The following HCN1 variants were observed in gnomAD, a reference collection of about 807,000 sequenced individuals.
The protein encoded by HCN1 is potassium/sodium hyperpolarization-activated cyclic nucleotide-gated channel 1.
A neutral mutation model predicts 78.9 loss-of-function variants in HCN1; 13 were observed. The ratio of observed to expected loss-of-function variants is 0.16; its 90% confidence interval spans 0.11 to 0.26. The LOEUF is 0.26. HCN1 is among the 10% of genes least tolerant of loss of function. The pLI, the probability that HCN1 is intolerant of heterozygous loss-of-function variation, is 1.00. For synonymous variants in HCN1, 552 were observed against 455.5 expected, an observed-to-expected ratio of 1.21 and a Z score of -2.70; for missense variants, 810 against 1,154.3, an observed-to-expected ratio of 0.70 and a Z score of 4.32.
intron 2 of HCN1, among the ~76,000 whole-genome samples, chr5:45,552,157 A>G (rs968355141): frequency 1.3e-5 from 2 of 151,972 alleles, no homozygotes; most frequent in Non-Finnish European, 2.9e-5. Flanking sequence ...AAGCTGGTCT[A>G]TAAATAACAT....
chr5:45,418,736 G>T (rs1219047492), intron 3 of HCN1, among the ~76,000 whole-genome samples: 7 of 152,068 alleles, frequency 4.6e-5, no homozygotes, highest in Admixed American at 1.3e-4. Context: ...CAAACAGTAT[G>T]CTTAAGGATG....
chr5:45,591,990 A>G (rs1412639600), intron 2 of HCN1, among the ~76,000 whole-genome samples: 1 of 150,470 alleles, frequency 6.6e-6, no homozygotes, highest in African/African-American at 2.5e-5. Flanking sequence ...GTGTCTAGAT[A>G]GATTATTTTT....
At chr5:45,687,125 G>C (rs185057381) in intron 1 of HCN1, among the ~76,000 whole-genome samples, 1 of 152,124 alleles carries the variant, frequency 6.6e-6, no homozygotes, top group African/African-American at 2.4e-5. Context: ...TTACCTTAAA[G>C]TATTATTCCC....
intron 2 of HCN1, among the ~76,000 whole-genome samples, chr5:45,515,187 T>C (rs1742493452): frequency 1.3e-5 from 2 of 152,010 alleles, no homozygotes; most frequent in Non-Finnish European, 2.9e-5. Context: ...GCTACACTTC[T>C]ACATCAGATT....
At chr5:45,583,008 AG>A (rs1744116735) in intron 2 of HCN1, among the ~76,000 whole-genome samples, 1 of 151,264 alleles carries the variant, frequency 6.6e-6, no homozygotes, top group Admixed American at 6.6e-5. Flanking sequence ...TGTCTCTGCC[AG>A]GGTTTGGTAT....
At chr5:45,589,168 A>C (rs1744304502) in intron 2 of HCN1, among the ~76,000 whole-genome samples, 1 of 152,204 alleles carries the variant, frequency 6.6e-6, no homozygotes, top group Admixed American at 6.5e-5. Context: ...ATAGACTGTA[A>C]GAATCAGCCT....
At chr5:45,376,912 G>C (rs1052691320) in intron 4 of HCN1, among the ~76,000 whole-genome samples, 1 of 151,920 alleles carries the variant, frequency 6.6e-6, no homozygotes, top group Non-Finnish European at 1.5e-5. Flanking sequence ...TGTTCAGCCA[G>C]GTCTGAGAAC....
At chr5:45,480,869 A>G (rs1741636073) in intron 2 of HCN1, among the ~76,000 whole-genome samples, 1 of 152,212 alleles carries the variant, frequency 6.6e-6, no homozygotes, top group South Asian at 2.1e-4. Context: ...ACAATTAGAA[A>G]GTGTGTAAAT....
chr5:45,261,960 G>T lies in HCN1; in HGVS notation c.2634C>A (p.Asp878Glu), dbSNP rs773757463. The T allele has an allele frequency of 5.0e-6, 8 of 1,613,990 alleles. No homozygotes were observed. The East Asian group carries it at 1.1e-4, about 22-fold the overall frequency. Reference sequence around the variant, plus strand: ...CAAATCGTGGCTTTTCTGCGTCTGGGTCTGTGTTTAAGACTGAGGAAGATT... The same window carrying T: ...CAAATCGTGGCTTTTCTGCGTCTGGTTCTGTGTTTAAGACTGAGGAAGATT... ...PRESSSVLNT[D>E]PDAEKPRFAS... Residue 878 changes from aspartate (D) to glutamate (E), a missense_variant, in exon 8 of 8, where the codon GAC (aspartate) becomes GAA (glutamate). This residue lies in a region of HCN1 where 398 missense variants were observed against 381.3 expected (regional missense o/e 1.04). Coordinates refer to ENST00000303230, the MANE Select transcript of HCN1 (RefSeq NM_021072.4).
chr5:45,607,888 C>A (rs182540569), intron 2 of HCN1, among the ~76,000 whole-genome samples: 1 of 151,688 alleles, frequency 6.6e-6, no homozygotes, highest in African/African-American at 2.4e-5. Flanking sequence ...CTAGCCTGTG[C>A]AACAGACATT....
At chr5:45,501,860 G>C (rs930406446) in intron 2 of HCN1, among the ~76,000 whole-genome samples, 7 of 152,050 alleles carry the variant, frequency 4.6e-5, no homozygotes, top group Admixed American at 3.9e-4. Flanking sequence ...CCCTCAACCA[G>C]ATTTTAAATT....
At chr5:45,455,152 T>C (rs1323389973) in intron 3 of HCN1, among the ~76,000 whole-genome samples, 1 of 152,040 alleles carries the variant, frequency 6.6e-6, no homozygotes, top group Non-Finnish European at 1.5e-5. Context: ...CTGTACTCCC[T>C]GGGTATCTAA....
At chr5:45,376,704 C>G (rs1412345557) in intron 4 of HCN1, among the ~76,000 whole-genome samples, 5 of 151,882 alleles carry the variant, frequency 3.3e-5, no homozygotes, top group Non-Finnish European at 7.4e-5. Context: ...CTGAGGTTCA[C>G]TGGCAGGAAA....
chr5:45,584,388 C>T (rs929637779), intron 2 of HCN1, among the ~76,000 whole-genome samples: 1 of 152,238 alleles, frequency 6.6e-6, no homozygotes, highest in Non-Finnish European at 1.5e-5. Context: ...CTTGGTAGAT[C>T]TTCCTCCATC....
At chr5:45,352,965 C>G in intron 5 of HCN1, 135 bp downstream of exon 5, 2 of 700,086 alleles carry the variant, frequency 2.9e-6, no homozygotes, top group Non-Finnish European at 4.8e-6. Flanking sequence ...AGGTGAGAAG[C>G]TAAAGAAGAT....
At chr5:45,475,207 T>C (rs1200673606) in intron 2 of HCN1, among the ~76,000 whole-genome samples, 2 of 152,028 alleles carry the variant, frequency 1.3e-5, no homozygotes, top group Admixed American at 1.3e-4. Flanking sequence ...TAATTTATGG[T>C]TATTGTCACA....
intron 2 of HCN1, among the ~76,000 whole-genome samples, chr5:45,505,776 G>A (rs1201884532): frequency 6.6e-6 from 1 of 151,948 alleles, no homozygotes; most frequent in African/African-American, 2.4e-5. Flanking sequence ...ATAGGTATAT[G>A]TAAATATATA....
At chr5:45,348,634 G>C (rs992551334) in intron 5 of HCN1, among the ~76,000 whole-genome samples, 2 of 152,112 alleles carry the variant, frequency 1.3e-5, no homozygotes, top group Non-Finnish European at 2.9e-5. Context: ...CTCATGTGCA[G>C]AGACACACAT....
intron 2 of HCN1, among the ~76,000 whole-genome samples, chr5:45,567,457 G>T (rs1027309234): frequency 1.3e-5 from 2 of 151,992 alleles, no homozygotes; most frequent in African/African-American, 4.8e-5. Context: ...GAATAGCACT[G>T]AGCTGCTTAC....
Sources: allele counts gnomAD v4.1 joint callset (sites outside exome capture counted in the v4.1 genomes callset), GRCh38; gene constraint gnomAD v4.1.1; regional missense constraint gnomAD v4.1.1; transcripts MANE v1.5; gene names NCBI Gene and HGNC (gene_info 2026-07-23, HGNC 2026-07-21).